NME7: variants seen among roughly 807,000 people sequenced by gnomAD.
NME7 encodes the protein nucleoside diphosphate kinase 7.
In NME7, 41 loss-of-function variants were observed where a neutral mutation model predicts 49.1. That is an observed-to-expected ratio of 0.83 (90% confidence interval 0.65 to 1.08). The LOEUF (loss-of-function observed/expected upper bound fraction) is 1.08, where lower values mean the gene tolerates loss of function less well. Among genes scored for constraint, NME7 ranks in the 50% least tolerant of loss-of-function variants. The pLI is 0.00. For missense variants in NME7, 423 were observed against 463.4 expected, an observed-to-expected ratio of 0.91 and a Z score of 0.80; for synonymous variants, 139 against 150.6, an observed-to-expected ratio of 0.92 and a Z score of 0.56.
rs1435351638 is a variant in NME7 at position 169,311,870 on chromosome 1, T to C, written c.279-1790A>G. The stretch of plus-strand genomic sequence containing the variant: ...AAGAGACAAAGGATTGACTATGTGA[T>C]AAATAACTCTAAATAAATTCCTCTG... On this transcript the variant is annotated intron_variant, in intron 3 of 11. Coordinates refer to ENST00000367811, the MANE Select transcript of NME7 (RefSeq NM_013330.5). Among the ~76,000 whole-genome samples, 3 of 152,352 alleles carry C rather than the reference T, an allele frequency of 2.0e-5. No homozygotes were observed. The East Asian group carries it at 5.8e-4, about 29-fold the overall frequency.
chr1:169,310,028 CA>C lies in NME7; in HGVS notation c.330del (p.Ile110MetfsTer3), dbSNP rs750381003. The C allele has an allele frequency of 1.3e-5, 21 of 1,608,912 alleles. No individual in the cohort carries two copies. The African/African-American group carries it at 2.8e-4, about 22-fold the overall frequency. ...PDAISKAGEI[I>X]EIINKAGFTI... is the part of the protein sequence containing the mutation. ...GTAAATCCAGCTTTGTTTATTATTT[CA>C]ATTATTTCTCCAGCCTTTGATATTG... On this transcript the variant is annotated frameshift_variant, in exon 4 of 12. Coordinates refer to ENST00000367811, the MANE Select transcript of NME7 (RefSeq NM_013330.5). LOFTEE classifies it high-confidence loss of function.
chr1:169,199,408 G>A (rs1660478258), intron 10 of NME7, among the ~76,000 whole-genome samples: 1 of 150,550 alleles, frequency 6.6e-6, no homozygotes, highest in Non-Finnish European at 1.5e-5. Flanking sequence ...AGTGGTGGAG[G>A]TAGGATTTGA....
intron 7 of NME7, among the ~76,000 whole-genome samples, chr1:169,245,934 C>A (rs1241647640): frequency 1.3e-5 from 2 of 152,136 alleles, no homozygotes; most frequent in African/African-American, 4.8e-5. Context: ...TCCTAGAGAG[C>A]AATATGTTAC....
chr1:169,194,830 A>G (rs1660330055), intron 10 of NME7, among the ~76,000 whole-genome samples: 1 of 152,224 alleles, frequency 6.6e-6, no homozygotes, highest in South Asian at 2.1e-4. Flanking sequence ...CCAAAAGGAT[A>G]CTTAGGCAAA....
chr1:169,188,106 A>C (rs1216540134), intron 10 of NME7, among the ~76,000 whole-genome samples: 1 of 152,164 alleles, frequency 6.6e-6, no homozygotes, highest in East Asian at 1.9e-4. Flanking sequence ...GGGTTTCTGC[A>C]GAGAGATCTG....
chr1:169,222,113 C>T (rs1335973128), intron 10 of NME7, among the ~76,000 whole-genome samples: 1 of 151,578 alleles, frequency 6.6e-6, no homozygotes, highest in African/African-American at 2.4e-5. Flanking sequence ...TCTGATGACT[C>T]CAACTTATAA....
At chr1:169,186,974 G>T (rs999503304) in intron 10 of NME7, among the ~76,000 whole-genome samples, 7 of 152,188 alleles carry the variant, frequency 4.6e-5, no homozygotes, top group African/African-American at 7.2e-5. Context: ...TGGTTTCAAA[G>T]AACTTATTTA....
chr1:169,324,899 T>A (rs1406631412), intron 1 of NME7, among the ~76,000 whole-genome samples: 1 of 152,254 alleles, frequency 6.6e-6, no homozygotes, highest in Non-Finnish European at 1.5e-5. Flanking sequence ...CTCTCAATTA[T>A]ATGAAGTTTT....
chr1:169,187,020 C>T (rs1433811936), intron 10 of NME7, among the ~76,000 whole-genome samples: 1 of 152,050 alleles, frequency 6.6e-6, no homozygotes, highest in Non-Finnish European at 1.5e-5. Flanking sequence ...GTTATTTACC[C>T]AGTAGTCATT....
intron 10 of NME7, among the ~76,000 whole-genome samples, chr1:169,182,863 AC>A (rs1659966218): frequency 6.6e-6 from 1 of 152,210 alleles, no homozygotes; most frequent in African/African-American, 2.4e-5. Context: ...CCTCTTGGTT[AC>A]CAATAGTCTG....
At chr1:169,163,051 A>C (rs906367780) in intron 11 of NME7, among the ~76,000 whole-genome samples, 1 of 152,218 alleles carries the variant, frequency 6.6e-6, no homozygotes, top group Non-Finnish European at 1.5e-5. Flanking sequence ...TTTAAAGGTA[A>C]AGTGAAAGGC....
chr1:169,367,581 G>A, intron 1 of NME7, 127 bp downstream of exon 1: 2 of 1,031,658 alleles, frequency 1.9e-6, no homozygotes, highest in Non-Finnish European at 3.1e-6. Context: ...CCGTGGGAAG[G>A]GGGAAAGAGA....
At chr1:169,154,668 T>G (rs12143135) in intron 11 of NME7, among the ~76,000 whole-genome samples, 57,256 of 151,524 alleles carry the variant, frequency 0.38, 11,277 homozygotes, top group East Asian at 0.73. Flanking sequence ...CATGGTGGCG[T>G]GCACCTGCAG....
At chr1:169,139,319 T>C (rs561371988) in intron 11 of NME7, among the ~76,000 whole-genome samples, 19 of 152,338 alleles carry the variant, frequency 1.2e-4, no homozygotes, top group Admixed American at 2.6e-4. Context: ...CTTTATGACA[T>C]TGGTATTATT....
At position 169,247,207 on chromosome 1, in the gene NME7, T is replaced by C. The variant is rs74910633; in HGVS notation, c.755-9520A>G. On this transcript the variant is annotated intron_variant, in intron 7 of 11. Coordinates refer to ENST00000367811, the MANE Select transcript of NME7 (RefSeq NM_013330.5). Reference sequence around the variant, plus strand: ...AGTAGATAGGCTGGAAACTGAAAACTGTGTAAGATTGGGTAAATAGGTCAT... The same window carrying C: ...AGTAGATAGGCTGGAAACTGAAAACCGTGTAAGATTGGGTAAATAGGTCAT... 4.0e-3 allele frequency: 1,545 copies of C among 389,712 alleles called. 21 individuals are homozygous for C. The highest frequency in any genetic ancestry group is 0.03 in the African/African-American group (1,425 of 47,482). The allele number at this position is 389,712 out of a possible 1,614,324, so 24.1% of individuals were successfully genotyped here. A position where few individuals can be genotyped will look rare whatever the true frequency, so the allele number is the denominator to read the frequency against.
intron 10 of NME7, among the ~76,000 whole-genome samples, chr1:169,225,494 G>A (rs1398872763): frequency 1.3e-5 from 2 of 152,184 alleles, no homozygotes; most frequent in Non-Finnish European, 1.5e-5. Flanking sequence ...CTAGAAGTAG[G>A]AATGGCTGTT....
intron 7 of NME7, among the ~76,000 whole-genome samples, chr1:169,241,328 C>A (rs1648077938): frequency 6.6e-6 from 1 of 151,954 alleles, no homozygotes; most frequent in African/African-American, 2.4e-5. Flanking sequence ...CGTTCTAAGG[C>A]AGTGGCAGTT....
At chr1:169,189,287 T>C (rs1660152730) in intron 10 of NME7, among the ~76,000 whole-genome samples, 1 of 151,556 alleles carries the variant, frequency 6.6e-6, no homozygotes, top group Non-Finnish European at 1.5e-5. Flanking sequence ...TAACTACAGA[T>C]ACTTTTTGTT....
At chr1:169,176,519 A>T (rs796464120) in intron 10 of NME7, among the ~76,000 whole-genome samples, 14 of 152,252 alleles carry the variant, frequency 9.2e-5, no homozygotes, top group African/African-American at 3.4e-4. Flanking sequence ...TAGAACCTGA[A>T]GAGGGTCACA....
Sources: allele counts gnomAD v4.1 joint callset (sites outside exome capture counted in the v4.1 genomes callset), GRCh38; gene constraint gnomAD v4.1.1; transcripts MANE v1.5; gene names NCBI Gene and HGNC (gene_info 2026-07-23, HGNC 2026-07-21).